The following SENP6 variants were observed in gnomAD, a reference collection of about 807,000 sequenced individuals.
SENP6 encodes SUMO specific peptidase 6.
In SENP6, 41 loss-of-function variants were observed where a neutral mutation model predicts 134.5. That is an observed-to-expected ratio of 0.30 (90% CI 0.24 to 0.40). The LOEUF (loss-of-function observed/expected upper bound fraction) is 0.40. Ranked by LOEUF, SENP6 falls within the 10% of genes least tolerant of loss-of-function variation. The probability of loss-of-function intolerance (pLI) is 1.00; values close to 1 mark genes in which losing one functional copy is unlikely to be tolerated. For synonymous variants in SENP6, 395 were observed against 429.8 expected, an observed-to-expected ratio of 0.92 and a Z score of 1.00; for missense variants, 1,248 against 1,312.5, an observed-to-expected ratio of 0.95 and a Z score of 0.76.
intron 7 of SENP6, among the ~76,000 whole-genome samples, chr6:75,658,542 G>A (rs1771517328): frequency 6.6e-6 from 1 of 151,828 alleles, no homozygotes. Flanking sequence ...TTTTAAATTG[G>A]CCTGTTTTGG....
chr6:75,603,300 G>T (rs1235501614), intron 1 of SENP6, among the ~76,000 whole-genome samples: 3 of 152,122 alleles, frequency 2.0e-5, no homozygotes, highest in Non-Finnish European at 2.9e-5. Context: ...TGTTGGGGAA[G>T]GTGGTAATGG....
chr6:75,633,541 A>G (rs1340607038), intron 3 of SENP6, 40 bp from the exon 4 acceptor site: 3 of 1,531,316 alleles, frequency 2.0e-6, no homozygotes, highest in Non-Finnish European at 2.6e-6. Flanking sequence ...TTGTCACATT[A>G]TAGCATTTTT....
Position 75,715,735 on chromosome 6 carries a change from C to G in SENP6, c.*141C>G. On this transcript the variant is annotated 3_prime_UTR_variant, in exon 24 of 24. Transcript: ENST00000447266. ...GTATAAATGTCAGATAATTAATTTC[C>G]AAAGGCGTATGTATTAAGTAAAAGT... is the stretch of plus-strand genomic sequence containing the variant. 1 of 595,580 alleles carries G rather than the reference C, an allele frequency of 1.7e-6. No individual in the cohort carries two copies. The highest frequency in any genetic ancestry group is 2.9e-6 in the Non-Finnish European group (1 of 350,610). The allele number at this position is 595,580 out of a possible 1,614,324, so 36.9% of individuals were successfully genotyped here.
chr6:75,683,952 A>T (rs973666962), intron 16 of SENP6, among the ~76,000 whole-genome samples: 3 of 152,192 alleles, frequency 2.0e-5, no homozygotes, highest in Non-Finnish European at 4.4e-5. Context: ...TGGTAGCTTG[A>T]TGGGGATGAC....
chr6:75,628,565 A>G (rs1468367905), intron 3 of SENP6, among the ~76,000 whole-genome samples: 1 of 152,138 alleles, frequency 6.6e-6, no homozygotes, highest in Non-Finnish European at 1.5e-5. Context: ...TTTCAGAACA[A>G]TTTTACTCTT....
intron 14 of SENP6, 45 bp downstream of exon 14, chr6:75,677,301 G>A (rs1018292037): frequency 3.2e-6 from 4 of 1,246,360 alleles, no homozygotes; most frequent in Non-Finnish European, 4.5e-6. Flanking sequence ...ATTGTGGGTA[G>A]TTTTAAAGGG....
chr6:75,685,344 AT>A (rs879229710), intron 16 of SENP6, among the ~76,000 whole-genome samples: 5 of 151,692 alleles, frequency 3.3e-5, no homozygotes, highest in Admixed American at 3.3e-4. Flanking sequence ...TCCTGGATTC[AT>A]TGATTTTTTT....
rs538371682 is a variant in SENP6, at chr6:75,692,313, C to T, written c.2076-3491C>T. ...ATGGGTGCATATCAGAAAAACGAAA[C>T]TAGTTACTTTAAAAGCATAAATTAG... On this transcript the variant is annotated intron_variant, in intron 16 of 23. Transcript: ENST00000447266. 8.5e-5 allele frequency among the ~76,000 whole-genome samples: 13 copies of T among 152,134 alleles called. 1 individual carries two copies. The South Asian group carries it at 2.3e-3, about 27-fold the overall frequency.
At chr6:75,634,376 A>C (rs1769345924) in intron 4 of SENP6, among the ~76,000 whole-genome samples, 2 of 152,104 alleles carry the variant, frequency 1.3e-5, no homozygotes, top group Non-Finnish European at 2.9e-5. Flanking sequence ...CCTCCCGAGT[A>C]GCTGGGATTA....
Position 75,675,872 on chromosome 6 carries a change from A to T in SENP6, c.1439A>T (p.Asp480Val), listed in dbSNP as rs566485663. 15 of 1,595,864 alleles carry T rather than the reference A, an allele frequency of 9.4e-6. No individual in the cohort carries two copies. The African/African-American group carries it at 1.9e-4, about 20-fold the overall frequency. Residue 480 changes from aspartate (D) to valine (V), a missense_variant, in exon 13 of 24, where the codon GAT becomes GTT. This residue lies in a region of SENP6 where 733 missense variants were observed against 725.4 expected (regional missense o/e 1.01). Coordinates refer to ENST00000447266, the MANE Select transcript of SENP6 (RefSeq NM_015571.4). ...IKIQLDEPDH[D>V]PVEIILNTSD... ...TGTTTTCCTCCAGAACCAGACCATG[A>T]TCCTGTAGAGATTATATTAAATACC...
intron 9 of SENP6, among the ~76,000 whole-genome samples, chr6:75,666,412 A>G (rs951607236): frequency 1.3e-5 from 2 of 150,568 alleles, no homozygotes; most frequent in African/African-American, 4.8e-5. Context: ...TTCTTCTTGT[A>G]ACTTGCTGAT....
At chr6:75,678,385 T>C (rs963211477) in intron 14 of SENP6, 198 bp from the exon 15 acceptor site, 5 of 490,576 alleles carry the variant, frequency 1.0e-5, no homozygotes, top group Admixed American at 4.1e-5. Context: ...AGTATCACTA[T>C]CTAGAAGCTA....
intron 11 of SENP6, among the ~76,000 whole-genome samples, chr6:75,674,055 A>T (rs1772889655): frequency 6.6e-6 from 1 of 151,838 alleles, no homozygotes; most frequent in African/African-American, 2.4e-5. Context: ...GCTTTATGTC[A>T]TCATTATTGA....
intron 1 of SENP6, among the ~76,000 whole-genome samples, chr6:75,615,520 T>G (rs1332487621): frequency 2.0e-5 from 3 of 152,204 alleles, no homozygotes; most frequent in Non-Finnish European, 4.4e-5. Context: ...TACTGTAAAT[T>G]ACATTTATGA....
At position 75,658,987 on chromosome 6, in the gene SENP6, AAAAAAAAAAAAAAG is replaced by A. The variant is rs1158834842; in HGVS notation, c.551-274_551-261del. Among the ~76,000 whole-genome samples the A allele has an allele frequency of 5.3e-5, 8 of 149,840 alleles. 1 individual carries two copies. The highest frequency in any genetic ancestry group is 2.1e-4 in the South Asian group (1 of 4,758). On this transcript the variant is annotated intron_variant, in intron 7 of 23. Coordinates refer to ENST00000447266, the MANE Select transcript of SENP6 (RefSeq NM_015571.4). The stretch of plus-strand genomic sequence containing the variant: ...ACCTTGTCTCCCCAAAAAAAAAAAA[AAAAAAAAAAAAAAG>A]GGGAATTGTGAGTATGTGAGTGGTT...
In SENP6 at chr6:75,670,538, T is replaced by G; in HGVS notation, c.1225-15T>G. 3.2e-6 allele frequency: 5 copies of G among 1,583,740 alleles called. No individual in the cohort carries two copies. Among genetic ancestry groups the G allele is most frequent in the Non-Finnish European group, 4.3e-6 (5 of 1,159,948 alleles). On this transcript the variant is annotated splice_polypyrimidine_tract_variant and intron_variant, in intron 10 of 23. Coordinates refer to ENST00000447266, the MANE Select transcript of SENP6 (RefSeq NM_015571.4). Reference sequence around the variant, plus strand: ...TTAGTAAATTATTAAGTGAACATTTTCTTTTCCTTTTTAGTTTGGCAATTC... The same window carrying G: ...TTAGTAAATTATTAAGTGAACATTTGCTTTTCCTTTTTAGTTTGGCAATTC...
At chr6:75,680,062 A>G (rs983935304) in intron 16 of SENP6, among the ~76,000 whole-genome samples, 1 of 152,232 alleles carries the variant, frequency 6.6e-6, no homozygotes, top group African/African-American at 2.4e-5. Context: ...TTTAATTAAG[A>G]TGATTTAAGA....
chr6:75,639,640 A>G (rs141528975), intron 5 of SENP6, among the ~76,000 whole-genome samples: 1,535 of 152,198 alleles, frequency 0.01, 22 homozygotes, highest in African/African-American at 0.035. Context: ...GGGCTTATAT[A>G]ATTTCATTCT....
intron 1 of SENP6, among the ~76,000 whole-genome samples, chr6:75,602,904 C>T (rs1254834357): frequency 1.3e-5 from 2 of 152,196 alleles, no homozygotes; most frequent in East Asian, 1.9e-4. Flanking sequence ...TGAGAGCAGC[C>T]AGCATTCACA....
Sources: gnomAD v4.1 joint callset for allele counts (sites outside exome capture counted in the v4.1 genomes callset) on GRCh38, gnomAD v4.1.1 for gene constraint, gnomAD v4.1.1 regional missense constraint, MANE v1.5 for transcripts, NCBI Gene and HGNC (gene_info 2026-07-23, HGNC 2026-07-21) for gene names.